Variants in ULK4 observed in about 807,000 individuals in gnomAD.
ULK4 encodes inactive serine/threonine-protein kinase ULK4.
ULK4 carries 133 observed loss-of-function variants against 160.6 expected under a neutral mutation model. The observed-to-expected ratio is 0.83, with a 90% CI of 0.72 to 0.96. The LOEUF (loss-of-function observed/expected upper bound fraction) is 0.96. Ranked by LOEUF, ULK4 falls within the 40% of genes least tolerant of loss-of-function variation. The probability of loss-of-function intolerance (pLI) is 0.00; values close to 1 mark genes in which losing one functional copy is unlikely to be tolerated. For missense variants in ULK4, 1,580 were observed against 1,499.5 expected (o/e 1.05, Z -0.89); for synonymous variants, 534 against 539.8 (o/e 0.99, Z 0.15).
intron 27 of ULK4, among the ~76,000 whole-genome samples, chr3:41,696,739 G>GGTTAA (rs58865615): frequency 0.19 from 28,093 of 151,820 alleles, 6,914 homozygotes; most frequent in African/African-American, 0.57. Context: ...TTGCAGATGA[G>GGTTAA]GTTAAGGATC....
intron 16 of ULK4, among the ~76,000 whole-genome samples, chr3:41,887,029 A>G (rs1475494943): frequency 2.6e-5 from 4 of 152,220 alleles, no homozygotes; most frequent in Non-Finnish European, 4.4e-5. Flanking sequence ...ATAAAACTAC[A>G]AAGTCAAAGT....
At chr3:41,470,039 A>C (rs983295903) in intron 32 of ULK4, among the ~76,000 whole-genome samples, 2 of 149,160 alleles carry the variant, frequency 1.3e-5, no homozygotes, top group East Asian at 1.9e-4. Flanking sequence ...AAAAAAAAAA[A>C]AAAAAAACAA....
intron 35 of ULK4, among the ~76,000 whole-genome samples, chr3:41,384,062 A>T (rs907898741): frequency 6.6e-6 from 1 of 152,174 alleles, no homozygotes; most frequent in Non-Finnish European, 1.5e-5. Context: ...TGCCTTAGTG[A>T]TTGCAAGGGT....
chr3:41,285,210 C>A (rs1163515268), intron 35 of ULK4, among the ~76,000 whole-genome samples: 1 of 152,156 alleles, frequency 6.6e-6, no homozygotes, highest in Admixed American at 6.5e-5. Flanking sequence ...AGTAGAACTA[C>A]CATTTGATCC....
chr3:41,615,595 G>A, intron 31 of ULK4, 74 bp downstream of exon 31: 1 of 1,472,514 alleles, frequency 6.8e-7, no homozygotes, highest in Non-Finnish European at 9.4e-7. Context: ...TAGCAACACA[G>A]TCCTACAACA....
chr3:41,799,304 T>A (rs1426974511), intron 20 of ULK4, among the ~76,000 whole-genome samples: 1 of 152,184 alleles, frequency 6.6e-6, no homozygotes, highest in African/African-American at 2.4e-5. Context: ...ACAAGCATGT[T>A]AACACATCTT....
intron 31 of ULK4, among the ~76,000 whole-genome samples, chr3:41,585,092 A>G (rs138178953): frequency 8.3e-4 from 127 of 152,304 alleles, no homozygotes; most frequent in African/African-American, 3.0e-3. Flanking sequence ...ACACTACTCA[A>G]AGTGATCTAC....
At chr3:41,414,716 T>A (rs770566170) in intron 34 of ULK4, among the ~76,000 whole-genome samples, 2 of 152,188 alleles carry the variant, frequency 1.3e-5, no homozygotes, top group Non-Finnish European at 2.9e-5. Flanking sequence ...CTTTCATATA[T>A]CACTCCTGCC....
Position 41,789,682 on chromosome 3 carries a change from A to G in ULK4, c.2172T>C (p.Leu724=). Residue 724 remains leucine (L), a synonymous_variant, in exon 21 of 37, where the codon CTT becomes CTC. Transcript: ENST00000301831. The part of the protein sequence containing the change: ...FAAMLSCGIH[L]QRLIQEKGFV... ...AAACCTTTTCTTGGATTAGTCTTTG[A>G]AGATGAATCCCACAGGACAACATGG... 1 of 1,586,118 alleles carries G rather than the reference A, an allele frequency of 6.3e-7. No individual in the cohort carries two copies. The highest frequency in any genetic ancestry group is 8.6e-7 in the Non-Finnish European group (1 of 1,168,148).
intron 35 of ULK4, among the ~76,000 whole-genome samples, chr3:41,312,049 C>A (rs754511373): frequency 6.6e-5 from 10 of 151,402 alleles, no homozygotes; most frequent in Non-Finnish European, 1.3e-4. Context: ...TTACAGCTCA[C>A]CGCAGACTCA....
At chr3:41,354,220 C>G (rs1246033691) in intron 35 of ULK4, among the ~76,000 whole-genome samples, 1 of 152,160 alleles carries the variant, frequency 6.6e-6, no homozygotes, top group Non-Finnish European at 1.5e-5. Flanking sequence ...TCATTGTTGA[C>G]CACTCTGTCA....
intron 27 of ULK4, among the ~76,000 whole-genome samples, chr3:41,685,872 C>T (rs2036086025): frequency 6.6e-6 from 1 of 152,088 alleles, no homozygotes; most frequent in African/African-American, 2.4e-5. Flanking sequence ...ATGTCAATTT[C>T]TATTGCACTG....
chr3:41,566,830 C>T (rs537781601), intron 31 of ULK4, among the ~76,000 whole-genome samples: 5 of 152,180 alleles, frequency 3.3e-5, no homozygotes, highest in African/African-American at 1.2e-4. Context: ...GCAATTAACA[C>T]AGATTATAAT....
At chr3:41,575,525 T>C (rs1193951956) in intron 31 of ULK4, among the ~76,000 whole-genome samples, 3 of 152,184 alleles carry the variant, frequency 2.0e-5, no homozygotes, top group African/African-American at 4.8e-5. Context: ...TTCTTTTATA[T>C]GGGGCATCAT....
At chr3:41,638,743 T>G (rs764993543) in intron 30 of ULK4, among the ~76,000 whole-genome samples, 10 of 152,328 alleles carry the variant, frequency 6.6e-5, no homozygotes, top group Non-Finnish European at 1.2e-4. Context: ...ATCAGAAGAC[T>G]CTTGATATGG....
chr3:41,298,023 A>G (rs1480975513), intron 35 of ULK4, among the ~76,000 whole-genome samples: 1 of 152,234 alleles, frequency 6.6e-6, no homozygotes, highest in East Asian at 1.9e-4. Flanking sequence ...TACAGTAGAT[A>G]AAAATTGCCC....
At chr3:41,896,153 T>A (rs1164421264) in intron 15 of ULK4, among the ~76,000 whole-genome samples, 1 of 152,216 alleles carries the variant, frequency 6.6e-6, no homozygotes, top group Non-Finnish European at 1.5e-5. Context: ...GTTTACCAGA[T>A]GACCCAGTAA....
intron 35 of ULK4, among the ~76,000 whole-genome samples, chr3:41,308,631 G>A (rs2079992359): frequency 6.6e-6 from 1 of 152,166 alleles, no homozygotes; most frequent in African/African-American, 2.4e-5. Context: ...TAGAGAAAGA[G>A]AGATCAAGTA....
chr3:41,949,886 C>T (rs1241093314), intron 2 of ULK4, among the ~76,000 whole-genome samples: 3 of 151,572 alleles, frequency 2.0e-5, no homozygotes, highest in African/African-American at 4.8e-5. Flanking sequence ...AAAGCACACA[C>T]CACTATGCCT....
Sources: gnomAD v4.1 joint callset for allele counts (sites outside exome capture counted in the v4.1 genomes callset) on GRCh38, gnomAD v4.1.1 for gene constraint, MANE v1.5 for transcripts, NCBI Gene and HGNC (gene_info 2026-07-23, HGNC 2026-07-21) for gene names.